The following C15orf40 variants were observed in gnomAD, a reference collection of about 807,000 sequenced individuals.
C15orf40 encodes chromosome 15 open reading frame 40.
A neutral mutation model predicts 13.9 loss-of-function variants in C15orf40; 9 were observed. The observed-to-expected ratio is 0.65, with a 90% CI of 0.39 to 1.13. C15orf40 has a LOEUF of 1.13. C15orf40 is among the 50% of genes most tolerant of loss of function. The pLI, the probability that C15orf40 is intolerant of heterozygous loss-of-function variation, is 0.01. For synonymous variants in C15orf40, 95 were observed against 69.2 expected, an observed-to-expected ratio of 1.37 and a Z score of -1.85; for missense variants, 225 against 188.5, an observed-to-expected ratio of 1.19 and a Z score of -1.13.
At chr15:83,005,842 T>C (rs945674755) in intron 3 of C15orf40, 150 bp from the exon 4 acceptor site, 19 of 1,225,546 alleles carry the variant, frequency 1.6e-5, no homozygotes, top group Non-Finnish European at 1.5e-5. Context: ...GATTCTTCCT[T>C]ACTACCATTT....
intron 3 of C15orf40, among the ~76,000 whole-genome samples, chr15:83,005,934 T>C (rs566960127): frequency 2.0e-4 from 31 of 152,244 alleles, no homozygotes; most frequent in Non-Finnish European, 4.4e-4. Flanking sequence ...AGCTGGACAT[T>C]AAAATCTCAA....
At position 83,003,713 on chromosome 15, in the gene C15orf40, G is replaced by T. The variant is rs2031525934; in HGVS notation, c.*1884C>A. 1 of 152,190 alleles carries T rather than the reference G, an allele frequency of 6.6e-6. No individual in the cohort carries two copies. The highest frequency in any genetic ancestry group is 1.5e-5 in the Non-Finnish European group (1 of 68,046). 9.4% of individuals were successfully genotyped at this position (152,190 alleles called of 1,614,324 possible). A position where few individuals can be genotyped will look rare whatever the true frequency, so the allele number is the denominator to read the frequency against. On this transcript the variant is annotated 3_prime_UTR_variant, in exon 4 of 4. Coordinates refer to ENST00000304177, the MANE Select transcript of C15orf40 (RefSeq NM_144597.3). ...ACCTATTTGGTACAAGTTAAGAGTT[G>T]TACTAGACGAGTAGCTTCTCTTTCA...
rs963303253 is a variant in C15orf40, at chr15:83,004,306, T to C, written c.*1291A>G. 5.1e-6 allele frequency: 5 copies of C among 985,006 alleles called. No homozygotes were observed. In the African/African-American group the frequency reaches 7.0e-5, roughly 14 times the overall value. The allele number at this position is 985,006 out of a possible 1,614,324, so 61.0% of individuals were successfully genotyped here. On this transcript the variant is annotated 3_prime_UTR_variant, in exon 4 of 4. Transcript: ENST00000304177. ...CAGCAATTTTTATTATTGTTCTTCC[T>C]TGTGGATTTTGTTTTTAATGATTTG...
intron 3 of C15orf40, 131 bp downstream of exon 3, chr15:83,008,417 G>C (rs768263169): frequency 1.1e-6 from 1 of 891,522 alleles, no homozygotes; most frequent in Non-Finnish European, 1.7e-6. Context: ...TACTCAGGAA[G>C]CTGAGGCAGG....
chr15:82,995,253 C>T lies in C15orf40; in HGVS notation c.*10344G>A, dbSNP rs1338107285. 1 of 151,608 alleles carries T rather than the reference C, an allele frequency of 6.6e-6. No homozygotes were observed. 9.4% of individuals were successfully genotyped at this position (151,608 alleles called of 1,614,324 possible). A position where few individuals can be genotyped will look rare whatever the true frequency, so the allele number is the denominator to read the frequency against. ...TGGGCCAGGCTGGCTGCATGGGTCC[C>T]AATCAGTGGGGCTGCACTCCATCAT... On this transcript the variant is annotated 3_prime_UTR_variant, in exon 4 of 4. Coordinates refer to ENST00000304177, the MANE Select transcript of C15orf40 (RefSeq NM_144597.3).
Position 82,997,972 on chromosome 15 carries a change from C to G in C15orf40, c.*7625G>C, listed in dbSNP as rs1251261281. ...TGGCCGGGCGGAGGGCTGACCCCCC[C>G]ACCTCCCTCCCGGACGGGGCGGCTG... On this transcript the variant is annotated 3_prime_UTR_variant, in exon 4 of 4. Transcript: ENST00000304177. 4 of 136,698 alleles carry G rather than the reference C, an allele frequency of 2.9e-5. No individual in the cohort carries two copies. The East Asian group carries it at 7.1e-4, about 24-fold the overall frequency. The allele number at this position is 136,698 out of a possible 1,614,324, so 8.5% of individuals were successfully genotyped here. A position where few individuals can be genotyped will look rare whatever the true frequency, so the allele number is the denominator to read the frequency against.
At position 82,995,879 on chromosome 15, in the gene C15orf40, C is replaced by A. The variant is rs546634591; in HGVS notation, c.*9718G>T. 2 of 152,368 alleles carry A rather than the reference C, an allele frequency of 1.3e-5. No homozygotes were observed. Among genetic ancestry groups the A allele is most frequent in the South Asian group, 4.1e-4 (2 of 4,824 alleles). 9.4% of individuals were successfully genotyped at this position (152,368 alleles called of 1,614,324 possible). On this transcript the variant is annotated 3_prime_UTR_variant, in exon 4 of 4. Transcript: ENST00000304177. ...ATAAAGCATGCAGCACTAAGCTAGG[C>A]ACATAATGGCTACCCAGTCAGTCAG...
chr15:82,995,179 G>A lies in C15orf40; in HGVS notation c.*10418C>T. On this transcript the variant is annotated 3_prime_UTR_variant, in exon 4 of 4. Transcript: ENST00000304177. ...CCAGCTTTTGAGGAAAATAAGGATG[G>A]AAGTAGAGATCCCTTGACTTGTGCA... 6.6e-6 allele frequency: 1 copy of A among 152,188 alleles called. No individual in the cohort carries two copies. The highest frequency in any genetic ancestry group is 1.5e-5 in the Non-Finnish European group (1 of 68,062). 9.4% of individuals were successfully genotyped at this position (152,188 alleles called of 1,614,324 possible). A position where few individuals can be genotyped will look rare whatever the true frequency, so the allele number is the denominator to read the frequency against.
Position 83,001,399 on chromosome 15 carries a change from A to T in C15orf40, c.*4198T>A. On this transcript the variant is annotated 3_prime_UTR_variant, in exon 4 of 4. Coordinates refer to ENST00000304177, the MANE Select transcript of C15orf40 (RefSeq NM_144597.3). The stretch of plus-strand genomic sequence containing the variant: ...TTAAGGTGCGGGTGATAGATGACAG[A>T]TGCAGTGCTAGAACATCATATGTCG... 1.6e-6 allele frequency: 1 copy of T among 616,260 alleles called. No homozygotes were observed. The highest frequency in any genetic ancestry group is 2.0e-6 in the Non-Finnish European group (1 of 492,780). 38.2% of individuals were successfully genotyped at this position (616,260 alleles called of 1,614,324 possible).
downstream of C15orf40, chr15:82,990,734 T>G: frequency 8.2e-7 from 1 of 1,213,638 alleles, no homozygotes; most frequent in East Asian, 2.5e-5. Flanking sequence ...CATCATTTTA[T>G]ACAAACACTA....
rs1428369017 is a variant in C15orf40 at position 82,998,875 on chromosome 15, G to A, written c.*6722C>T. On this transcript the variant is annotated 3_prime_UTR_variant, in exon 4 of 4. Coordinates refer to ENST00000304177, the MANE Select transcript of C15orf40 (RefSeq NM_144597.3). ...GATCACGCCACTGCACTCCAGCCTG[G>A]GCACCATTGAGCACTGAGTGAACGA... is the stretch of plus-strand genomic sequence containing the variant. The A allele has an allele frequency of 1.8e-5, 2 of 111,836 alleles. No individual in the cohort carries two copies. The highest frequency in any genetic ancestry group is 3.5e-5 in the Non-Finnish European group (2 of 56,532). 6.9% of individuals were successfully genotyped at this position (111,836 alleles called of 1,614,324 possible).
downstream of C15orf40, among the ~76,000 whole-genome samples, chr15:82,994,337 T>A (rs560281573): frequency 6.9e-6 from 1 of 143,984 alleles, no homozygotes; most frequent in Non-Finnish European, 1.5e-5. Context: ...AATATAATGT[T>A]TTTTAAAAAT....
At chr15:83,006,296 T>C (rs919717927) in intron 3 of C15orf40, 2 of 782,850 alleles carry the variant, frequency 2.6e-6, no homozygotes, top group African/African-American at 3.8e-5. Context: ...ATGAAAATCA[T>C]CTTTAAAATA....
intron 3 of C15orf40, chr15:83,006,545 A>G: frequency 1.2e-6 from 1 of 858,328 alleles, no homozygotes; most frequent in Non-Finnish European, 1.4e-6. Context: ...GGATCACCTG[A>G]GGTCAGGAGT....
downstream of C15orf40, among the ~76,000 whole-genome samples, chr15:82,993,641 C>T (rs1027959716): frequency 3.9e-5 from 6 of 151,996 alleles, no homozygotes; most frequent in African/African-American, 7.2e-5. Context: ...GCAAAAACCC[C>T]GTCTCTATGA....
chr15:83,008,336 T>C (rs113256459), intron 3 of C15orf40: 14,866 of 469,684 alleles, frequency 0.032, 627 homozygotes, highest in African/African-American at 0.15. Flanking sequence ...CTGACCAACA[T>C]GGTGAAACTC....
downstream of C15orf40, chr15:82,988,965 A>T (rs946572982): frequency 3.9e-6 from 6 of 1,520,640 alleles, no homozygotes; most frequent in African/African-American, 7.1e-5. Context: ...AGAGAGTGTT[A>T]ATTTTTAAAT....
chr15:82,989,899 G>A, downstream of C15orf40: 2 of 1,612,276 alleles, frequency 1.2e-6, no homozygotes, highest in Non-Finnish European at 1.7e-6. Context: ...ACAACAGACA[G>A]TTCAGAGGCA....
rs1298228294 is a variant in C15orf40, at chr15:83,003,778, ACT to A, written c.*1817_*1818del. On this transcript the variant is annotated 3_prime_UTR_variant, in exon 4 of 4. Coordinates refer to ENST00000304177, the MANE Select transcript of C15orf40 (RefSeq NM_144597.3). The stretch of plus-strand genomic sequence containing the variant: ...TTCTTTCTTTTTGAGACGGAGTCTC[ACT>A]CTTGTCGCCGAGGCTGGAGTGCAGT... 1 of 151,874 alleles carries A rather than the reference ACT, an allele frequency of 6.6e-6. No individual in the cohort carries two copies. The highest frequency in any genetic ancestry group is 2.4e-5 in the African/African-American group (1 of 41,294). 9.4% of individuals were successfully genotyped at this position (151,874 alleles called of 1,614,324 possible).
Sources: allele counts gnomAD v4.1 joint callset (sites outside exome capture counted in the v4.1 genomes callset), GRCh38; gene constraint gnomAD v4.1.1; transcripts MANE v1.5; gene names NCBI Gene and HGNC (gene_info 2026-07-23, HGNC 2026-07-21).